LRRC7: variants seen among roughly 807,000 people sequenced by gnomAD.
LRRC7 encodes the protein leucine-rich repeat-containing protein 7.
LRRC7 carries 23 observed loss-of-function variants against 175.7 expected under a neutral mutation model. The ratio of observed to expected loss-of-function variants is 0.13; its 90% confidence interval spans 0.09 to 0.19. LRRC7 has a LOEUF of 0.19. Ranked by LOEUF, LRRC7 falls within the 10% of genes least tolerant of loss-of-function variation. The pLI, the probability that LRRC7 is intolerant of heterozygous loss-of-function variation, is 1.00. For synonymous variants in LRRC7, 685 were observed against 680.9 expected (o/e 1.01, Z -0.09); for missense variants, 1,354 against 1,904.7 (o/e 0.71, Z 5.38).
intron 7 of LRRC7, chr1:69,873,487 G>GCCC: frequency 1.9e-6 from 1 of 533,088 alleles, no homozygotes; most frequent in Non-Finnish European, 3.8e-6. Flanking sequence ...TCCAGAGTGT[G>GCCC]CCCCTTGCCC....
chr1:69,979,037 C>A (rs1339095241), intron 8 of LRRC7, among the ~76,000 whole-genome samples: 3 of 151,712 alleles, frequency 2.0e-5, no homozygotes, highest in Non-Finnish European at 4.4e-5. Flanking sequence ...CATCCTTAGA[C>A]AGGCTCTCCT....
At chr1:69,837,060 A>T (rs969664427) in intron 6 of LRRC7, among the ~76,000 whole-genome samples, 1 of 151,920 alleles carries the variant, frequency 6.6e-6, no homozygotes, top group Non-Finnish European at 1.5e-5. Flanking sequence ...CTATATGGAC[A>T]GGAATAACAA....
intron 7 of LRRC7, among the ~76,000 whole-genome samples, chr1:69,865,846 G>T (rs1037216771): frequency 6.6e-6 from 1 of 152,090 alleles, no homozygotes; most frequent in Non-Finnish European, 1.5e-5. Context: ...GTCACCTCAG[G>T]AGTGACCTGG....
At chr1:69,811,951 A>G (rs938849361) in intron 4 of LRRC7, among the ~76,000 whole-genome samples, 3 of 152,262 alleles carry the variant, frequency 2.0e-5, no homozygotes, top group African/African-American at 4.8e-5. Context: ...TACAAAGACT[A>G]TGAACTAAGT....
chr1:70,081,399 A>G (rs1236310884), intron 24 of LRRC7, among the ~76,000 whole-genome samples: 1 of 152,266 alleles, frequency 6.6e-6, no homozygotes, highest in Non-Finnish European at 1.5e-5. Context: ...AAACATCAGC[A>G]TGATGCTTCA....
At chr1:70,104,504 T>A (rs1008425434) in intron 25 of LRRC7, among the ~76,000 whole-genome samples, 4 of 152,168 alleles carry the variant, frequency 2.6e-5, no homozygotes, top group Non-Finnish European at 5.9e-5. Flanking sequence ...TGCTTTCTGC[T>A]TGGATTAATG....
chr1:69,851,114 C>A (rs1682931310), intron 7 of LRRC7, among the ~76,000 whole-genome samples: 2 of 151,938 alleles, frequency 1.3e-5, no homozygotes, highest in South Asian at 4.2e-4. Context: ...TCAATTGTAC[C>A]AAATGTTACT....
At chr1:69,845,548 A>G (rs1247670949) in intron 7 of LRRC7, among the ~76,000 whole-genome samples, 1 of 152,006 alleles carries the variant, frequency 6.6e-6, no homozygotes, top group Admixed American at 6.6e-5. Context: ...TTCCTTTGTT[A>G]TCTAGTTTAC....
rs1244788 is a variant in LRRC7, at chr1:70,018,200, T to C, written c.1321-519T>C. Among the ~76,000 whole-genome samples the C allele has an allele frequency of 2.5e-3, 380 of 152,200 alleles. 2 individuals are homozygous for C. The highest frequency in any genetic ancestry group is 8.7e-3 in the African/African-American group (362 of 41,578). ...AATGAAATATGCACAGAGGTCAATA[T>C]ATTATGATATATCAGGTACAAGTAC... On this transcript the variant is annotated intron_variant, in intron 14 of 26. Coordinates refer to ENST00000651989, the MANE Select transcript of LRRC7 (RefSeq NM_001370785.2).
chr1:69,944,646 T>TCC (rs902577927), intron 8 of LRRC7, among the ~76,000 whole-genome samples: 1 of 152,084 alleles, frequency 6.6e-6, no homozygotes, highest in Non-Finnish European at 1.5e-5. Context: ...AGTTCCAATT[T>TCC]CCCCCACATC....
intron 8 of LRRC7, among the ~76,000 whole-genome samples, chr1:69,972,742 G>A (rs954880960): frequency 1.3e-5 from 2 of 151,652 alleles, no homozygotes; most frequent in Non-Finnish European, 1.5e-5. Context: ...TAGAACTACC[G>A]TCTGATCCAG....
intron 2 of LRRC7, among the ~76,000 whole-genome samples, chr1:69,709,449 G>A (rs748210074): frequency 6.6e-6 from 1 of 152,164 alleles, no homozygotes; most frequent in Non-Finnish European, 1.5e-5. Context: ...ATCTTCTTAT[G>A]TACTAGGGGA....
At chr1:69,833,720 C>T (rs1260382850) in intron 5 of LRRC7, among the ~76,000 whole-genome samples, 6 of 151,816 alleles carry the variant, frequency 4.0e-5, no homozygotes, top group Admixed American at 2.0e-4. Context: ...TGCTAGGCAG[C>T]GTAGGATCCG....
At chr1:69,921,635 A>G (rs760340979) in intron 7 of LRRC7, among the ~76,000 whole-genome samples, 16 of 152,232 alleles carry the variant, frequency 1.1e-4, no homozygotes, top group East Asian at 1.9e-4. Flanking sequence ...TCTGGCCCCA[A>G]TTATATCCCA....
chr1:69,692,076 T>C (rs1402347088), intron 2 of LRRC7, among the ~76,000 whole-genome samples: 1 of 152,146 alleles, frequency 6.6e-6, no homozygotes, highest in African/African-American at 2.4e-5. Flanking sequence ...TAATATACTC[T>C]AGAAATGGGC....
rs777935948 is a variant in LRRC7 at position 70,133,723 on chromosome 1, G to A, written c.*11836G>A. On this transcript the variant is annotated 3_prime_UTR_variant, in exon 27 of 27. Coordinates refer to ENST00000651989, the MANE Select transcript of LRRC7 (RefSeq NM_001370785.2). Reference sequence around the variant, plus strand: ...AGACAGAAACCACTTTCTCAGTGAGGCTTGATTGTTTAAAGTTTTGATGTT... The same window carrying A: ...AGACAGAAACCACTTTCTCAGTGAGACTTGATTGTTTAAAGTTTTGATGTT... 1.3e-5 allele frequency among the ~76,000 whole-genome samples: 2 copies of A among 152,086 alleles called. No individual in the cohort carries two copies. Among genetic ancestry groups the A allele is most frequent in the Non-Finnish European group, 1.5e-5 (1 of 68,000 alleles).
At chr1:70,006,483 AAAAG>A (rs1477451407) in intron 11 of LRRC7, among the ~76,000 whole-genome samples, 4 of 152,002 alleles carry the variant, frequency 2.6e-5, no homozygotes, top group Non-Finnish European at 4.4e-5. Flanking sequence ...AAAAAAAAAA[AAAAG>A]AAAGAAAGAA....
intron 3 of LRRC7, among the ~76,000 whole-genome samples, chr1:69,767,594 C>A (rs1045806375): frequency 6.6e-6 from 1 of 152,036 alleles, no homozygotes; most frequent in Non-Finnish European, 1.5e-5. Context: ...GTATCTGGAA[C>A]TACAGGTGTG....
chr1:69,847,859 T>G (rs961606937), intron 7 of LRRC7, among the ~76,000 whole-genome samples: 4 of 152,116 alleles, frequency 2.6e-5, no homozygotes, highest in Admixed American at 2.6e-4. Context: ...ACATGTCAAT[T>G]TGAAAGTGCA....
Sources: allele counts gnomAD v4.1 joint callset (sites outside exome capture counted in the v4.1 genomes callset), GRCh38; gene constraint gnomAD v4.1.1; transcripts MANE v1.5; gene names NCBI Gene and HGNC (gene_info 2026-07-23, HGNC 2026-07-21).